The following EYS variants were observed in gnomAD, a reference collection of about 807,000 sequenced individuals.
The protein encoded by EYS is EGF-like photoreceptor maintenance factor.
Under a neutral mutation model 282.1 loss-of-function variants are expected in EYS, and 250 were observed. The ratio of observed to expected loss-of-function variants is 0.89; its 90% CI spans 0.80 to 0.98. The LOEUF is 0.98. Ranked by LOEUF, EYS falls within the 50% of genes least tolerant of loss-of-function variation. The pLI is 0.00. For missense variants in EYS, 4,016 were observed against 3,709.0 expected (o/e 1.08, Z -2.15); for synonymous variants, 1,355 against 1,282.9 (o/e 1.06, Z -1.20).
At chr6:63,814,099 C>G (rs1325974499) in intron 36 of EYS, among the ~76,000 whole-genome samples, 1 of 152,176 alleles carries the variant, frequency 6.6e-6, no homozygotes, top group Non-Finnish European at 1.5e-5. Context: ...GGTTATCAAA[C>G]TATGTACGTG....
intron 26 of EYS, among the ~76,000 whole-genome samples, chr6:64,484,668 T>C (rs1776531056): frequency 6.6e-6 from 1 of 151,596 alleles, no homozygotes; most frequent in Non-Finnish European, 1.5e-5. Flanking sequence ...GATGCTCTAG[T>C]TAAGATTTAC....
rs67505285 is a variant in EYS at position 65,120,460 on chromosome 6, C to CAAAAAAAAAAAAAAAAAAAAAAAAAAA, written c.2024-62734_2024-62733insTTTTTTTTTTTTTTTTTTTTTTTTTTT. 2.7e-3 allele frequency among the ~76,000 whole-genome samples: 185 copies of CAAAAAAAAAAAAAAAAAAAAAAAAAAA among 68,238 alleles called. 2 individuals carry two copies. The highest frequency in any genetic ancestry group is 3.8e-3 in the Non-Finnish European group (140 of 36,408). 44.8% of individuals were successfully genotyped at this position (68,238 alleles called of 152,430 possible). A position where few individuals can be genotyped will look rare whatever the true frequency, so the allele number is the denominator to read the frequency against. ...ACATTACTCTTTTTCTTTAAATAAG[C>CAAAAAAAAAAAAAAAAAAAAAAAAAAA]AAAAAAAAAAAAAAAAAAAAAAAAT... is the stretch of plus-strand genomic sequence containing the variant. On this transcript the variant is annotated intron_variant, in intron 12 of 42. Transcript: ENST00000503581.
chr6:64,151,604 C>T (rs993151601), intron 31 of EYS, among the ~76,000 whole-genome samples: 3 of 151,676 alleles, frequency 2.0e-5, no homozygotes, highest in South Asian at 2.1e-4. Context: ...TTGTGATCCA[C>T]CCGCCTCAGC....
chr6:65,175,829 T>C (rs899129152), intron 12 of EYS, among the ~76,000 whole-genome samples: 8 of 151,524 alleles, frequency 5.3e-5, no homozygotes, highest in African/African-American at 2.4e-5. Flanking sequence ...ACAAGAACCA[T>C]AACCTTTGTA....
At chr6:64,828,382 C>A (rs1436916188) in intron 19 of EYS, among the ~76,000 whole-genome samples, 1 of 151,826 alleles carries the variant, frequency 6.6e-6, no homozygotes, top group Admixed American at 6.6e-5. Context: ...ATTGATGGAA[C>A]TCTGTAGCAG....
At chr6:65,586,303 T>C (rs1224719000) in intron 2 of EYS, among the ~76,000 whole-genome samples, 1 of 152,070 alleles carries the variant, frequency 6.6e-6, no homozygotes, top group African/African-American at 2.4e-5. Context: ...TGCACTGCTC[T>C]TACACTGATC....
chr6:65,374,831 G>C (rs975090366), intron 8 of EYS, among the ~76,000 whole-genome samples: 10 of 152,150 alleles, frequency 6.6e-5, no homozygotes, highest in African/African-American at 2.4e-4. Flanking sequence ...TGCCTTGCTA[G>C]ATTCCTCTTC....
At chr6:65,617,537 T>G (rs1381789589) in intron 2 of EYS, among the ~76,000 whole-genome samples, 1 of 151,642 alleles carries the variant, frequency 6.6e-6, no homozygotes, top group Non-Finnish European at 1.5e-5. Context: ...ATGGTATTAT[T>G]TATAATATAT....
At chr6:64,548,596 C>G (rs1043304573) in intron 26 of EYS, among the ~76,000 whole-genome samples, 4 of 151,928 alleles carry the variant, frequency 2.6e-5, no homozygotes, top group African/African-American at 9.7e-5. Context: ...CCAAACACCG[C>G]ATGTTCTCAC....
At position 63,721,285 on chromosome 6, in the gene EYS, AG is replaced by A; in HGVS notation, c.8745del (p.Cys2916ValfsTer2). 6.4e-7 allele frequency: 1 copy of A among 1,552,010 alleles called. No individual in the cohort carries two copies. Among genetic ancestry groups the A allele is most frequent in the Non-Finnish European group, 8.7e-7 (1 of 1,147,012 alleles). On this transcript the variant is annotated frameshift_variant, in exon 43 of 43. Coordinates refer to ENST00000503581, the MANE Select transcript of EYS (RefSeq NM_001142800.2). LOFTEE classifies it high-confidence loss of function. Reference sequence around the variant, plus strand: ...TGGTGGAGGCAAAGATTATTCAAACAGGACACAGACTGGTTACATGTATTTC... The same window carrying A: ...TGGTGGAGGCAAAGATTATTCAAACAGACACAGACTGGTTACATGTATTTC... The part of the protein sequence containing the change: ...WAGNTCNQSV[S>X]CLNNLCLHQS...
intron 13 of EYS, among the ~76,000 whole-genome samples, chr6:65,015,298 G>A (rs1772005781): frequency 6.6e-6 from 1 of 152,196 alleles, no homozygotes; most frequent in Non-Finnish European, 1.5e-5. Flanking sequence ...AAAGATGCTT[G>A]TGTTAATATG....
intron 2 of EYS, among the ~76,000 whole-genome samples, chr6:65,506,460 C>CTTTCT (rs1766659446): frequency 1.5e-5 from 1 of 64,894 alleles, no homozygotes; most frequent in African/African-American, 6.1e-5. Context: ...TCCTTCCTTT[C>CTTTCT]TTTTTTTTTT....
At chr6:64,713,404 T>G (rs1325114513) in intron 22 of EYS, 1 of 152,094 alleles carries the variant, frequency 6.6e-6, no homozygotes, top group Non-Finnish European at 1.5e-5. Flanking sequence ...AAACACTCAA[T>G]TGTGTCCTCA....
chr6:64,297,942 C>A (rs902618660), intron 30 of EYS, among the ~76,000 whole-genome samples: 12 of 144,440 alleles, frequency 8.3e-5, no homozygotes, highest in Admixed American at 2.1e-4. Flanking sequence ...AGTGCCACTG[C>A]ACTCCAGCCT....
At chr6:64,014,789 T>A in intron 33 of EYS, among the ~76,000 whole-genome samples, 1 of 151,970 alleles carries the variant, frequency 6.6e-6, no homozygotes, top group East Asian at 1.9e-4. Flanking sequence ...ATTTTTTTTT[T>A]TTTTGGTTTC....
At position 64,590,768 on chromosome 6, in the gene EYS, T is replaced by C; in HGVS notation, c.5099A>G (p.Lys1700Arg). The C allele has an allele frequency of 1.9e-6, 3 of 1,550,904 alleles. No individual in the cohort carries two copies. Among genetic ancestry groups the C allele is most frequent in the Non-Finnish European group, 1.7e-6 (2 of 1,146,452 alleles). Residue 1700 changes from lysine (K) to arginine (R), a missense_variant, in exon 26 of 43, where the codon AAA (lysine) becomes AGA (arginine). Coordinates refer to ENST00000503581, the MANE Select transcript of EYS (RefSeq NM_001142800.2). ...GCCATATTGTCTTATTTTCAATAGT[T>C]TTAAAATGTTTTCTGATACTGACAG... Reference protein sequence around the residue: ...DELSVSENILKLLKIRQYGIT... With the variant: ...DELSVSENILRLLKIRQYGIT...
chr6:65,247,490 A>G (rs1187106888), intron 12 of EYS, among the ~76,000 whole-genome samples: 2 of 152,092 alleles, frequency 1.3e-5, no homozygotes, highest in Non-Finnish European at 2.9e-5. Flanking sequence ...GCTCTAGCAG[A>G]GTGAAACCCT....
intron 29 of EYS, among the ~76,000 whole-genome samples, chr6:64,334,528 T>G (rs1582614692): frequency 6.6e-6 from 1 of 152,282 alleles, no homozygotes; most frequent in East Asian, 1.9e-4. Context: ...ACTGGCCAGC[T>G]GGGCACAAGA....
chr6:65,037,747 C>A (rs1263887696), intron 13 of EYS, among the ~76,000 whole-genome samples: 1 of 151,494 alleles, frequency 6.6e-6, no homozygotes, highest in Non-Finnish European at 1.5e-5. Flanking sequence ...GTTTTAGCAC[C>A]CTTAGTTCCC....
Sources: gnomAD v4.1 joint callset for allele counts (sites outside exome capture counted in the v4.1 genomes callset) on GRCh38, gnomAD v4.1.1 for gene constraint, MANE v1.5 for transcripts, NCBI Gene and HGNC (gene_info 2026-07-23, HGNC 2026-07-21) for gene names.